The following ARL14EP variants were observed in gnomAD, a reference collection of about 807,000 sequenced individuals.
ARL14EP encodes the protein ARL14 effector protein.
A neutral mutation model predicts 23.1 loss-of-function variants in ARL14EP; 12 were observed. The ratio of observed to expected loss-of-function variants is 0.52; its 90% CI spans 0.33 to 0.84. The LOEUF (loss-of-function observed/expected upper bound fraction) is 0.84. Ranked by LOEUF, ARL14EP falls within the 40% of genes least tolerant of loss-of-function variation. The probability of loss-of-function intolerance (pLI) is 0.02; values close to 1 mark genes in which losing one functional copy is unlikely to be tolerated. For missense variants in ARL14EP, 253 were observed against 307.3 expected, an observed-to-expected ratio of 0.82 and a Z score of 1.32; for synonymous variants, 97 against 102.0, an observed-to-expected ratio of 0.95 and a Z score of 0.29.
At chr11:30,335,383 T>A (rs1295230634) in intron 3 of ARL14EP, among the ~76,000 whole-genome samples, 1 of 152,190 alleles carries the variant, frequency 6.6e-6, no homozygotes. Flanking sequence ...AGAGGCAGAA[T>A]TTGAGAGGAT....
intron 3 of ARL14EP, among the ~76,000 whole-genome samples, chr11:30,334,962 G>C (rs1240125822): frequency 6.6e-6 from 1 of 152,192 alleles, no homozygotes; most frequent in Non-Finnish European, 1.5e-5. Context: ...TGACTTTCAA[G>C]TCTGTTATTT....
rs141777054 is a variant in ARL14EP at position 30,336,697 on chromosome 11, A to C, written c.685A>C (p.Thr229Pro). 6.2e-7 allele frequency: 1 copy of C among 1,614,024 alleles called. No homozygotes were observed. Residue 229 changes from threonine to proline, a missense_variant, in exon 4 of 4, where the codon ACC becomes CCC. Physicochemically the swap from Thr to Pro is conservative, Grantham distance 38. Coordinates refer to ENST00000282032, the MANE Select transcript of ARL14EP (RefSeq NM_152316.3). ...CFYACPACGS[T>P]KCGAECRCDR... is the part of the protein sequence containing the mutation. ...CTATGCTTGTCCTGCCTGTGGTTCT[A>C]CCAAGTGTGGAGCTGAATGCCGCTG...
At chr11:30,326,415 G>C (rs1318354377) in intron 1 of ARL14EP, among the ~76,000 whole-genome samples, 2 of 152,180 alleles carry the variant, frequency 1.3e-5, no homozygotes, top group African/African-American at 4.8e-5. Flanking sequence ...CATCGTTATG[G>C]AAGAACATAG....
intron 1 of ARL14EP, among the ~76,000 whole-genome samples, chr11:30,325,404 T>C (rs571241493): frequency 6.6e-6 from 1 of 152,184 alleles, no homozygotes; most frequent in Non-Finnish European, 1.5e-5. Context: ...GGGGGATCCT[T>C]GAGTCTTACC....
In ARL14EP at chr11:30,331,003, A is replaced by G. The variant is rs1348760918; in HGVS notation, c.55A>G (p.Lys19Glu). 1 of 1,613,944 alleles carries G rather than the reference A, an allele frequency of 6.2e-7. No individual in the cohort carries two copies. Among genetic ancestry groups the G allele is most frequent in the Non-Finnish European group, 8.5e-7 (1 of 1,179,836 alleles). ...GCTTCGTACTACAAATGAGTGCCAT[A>G]AAACCTACTATACTCGTCACACAGG... ...VQLRTTNECH[K>E]TYYTRHTGFK... Residue 19 changes from lysine to glutamate, a missense_variant, in exon 2 of 4, where the codon AAA (lysine) becomes GAA (glutamate). Transcript: ENST00000282032.
chr11:30,331,502 A>G, intron 2 of ARL14EP, 128 bp downstream of exon 2: 1 of 1,509,980 alleles, frequency 6.6e-7, no homozygotes, highest in South Asian at 1.3e-5. Flanking sequence ...AGGAGGGGTG[A>G]AAGTGGATGA....
intron 1 of ARL14EP, among the ~76,000 whole-genome samples, chr11:30,324,788 C>G (rs995952479): frequency 1.1e-4 from 16 of 152,170 alleles, no homozygotes; most frequent in African/African-American, 3.6e-4. Flanking sequence ...GGAGCAAATA[C>G]TTTTGTTTAC....
chr11:30,332,487 A>G (rs1209426833), intron 2 of ARL14EP, among the ~76,000 whole-genome samples: 1 of 152,148 alleles, frequency 6.6e-6, no homozygotes, highest in Admixed American at 6.5e-5. Context: ...TTAAAAATAT[A>G]TAAAATACAA....
At chr11:30,335,774 ATATG>A (rs776014357) in intron 3 of ARL14EP, among the ~76,000 whole-genome samples, 86 of 125,954 alleles carry the variant, frequency 6.8e-4, no homozygotes, top group African/African-American at 1.5e-3. Context: ...ATATATATAT[ATATG>A]TGTGTGTGTG....
intron 2 of ARL14EP, among the ~76,000 whole-genome samples, chr11:30,331,968 A>G (rs1426731787): frequency 6.6e-6 from 1 of 152,106 alleles, no homozygotes. Flanking sequence ...AAAAAATAAT[A>G]CATTTTTACA....
chr11:30,326,540 G>T (rs1040585978), intron 1 of ARL14EP, among the ~76,000 whole-genome samples: 1 of 152,214 alleles, frequency 6.6e-6, no homozygotes, highest in East Asian at 1.9e-4. Context: ...AGCAAAAACA[G>T]TTGCTAGGAA....
intron 2 of ARL14EP, chr11:30,331,786 A>G: frequency 2.0e-6 from 2 of 1,012,150 alleles, no homozygotes; most frequent in Non-Finnish European, 2.4e-6. Flanking sequence ...CTGCTTTAAA[A>G]GGAACATTAG....
intron 3 of ARL14EP, among the ~76,000 whole-genome samples, chr11:30,334,287 C>G (rs1363140918): frequency 6.9e-6 from 1 of 144,622 alleles, no homozygotes; most frequent in African/African-American, 2.6e-5. Context: ...GCAAACTCAG[C>G]TCACTACACC....
intron 3 of ARL14EP, among the ~76,000 whole-genome samples, chr11:30,333,202 A>G (rs1171894061): frequency 6.6e-6 from 1 of 152,246 alleles, no homozygotes; most frequent in East Asian, 1.9e-4. Context: ...AGAAGGTAGC[A>G]GTGAACTGAA....
intron 2 of ARL14EP, among the ~76,000 whole-genome samples, chr11:30,332,077 T>C (rs1020278343): frequency 6.6e-6 from 1 of 152,128 alleles, no homozygotes; most frequent in African/African-American, 2.4e-5. Context: ...AGCTATCTTT[T>C]GTGTAGGACA....
chr11:30,335,602 A>AC (rs1413266697), intron 3 of ARL14EP, among the ~76,000 whole-genome samples: 1 of 152,172 alleles, frequency 6.6e-6, no homozygotes, highest in Non-Finnish European at 1.5e-5. Flanking sequence ...CAGCAAAAAA[A>AC]CTACAACTCA....
Position 30,333,843 on chromosome 11 carries a change from T to C in ARL14EP, c.554+850T>C, listed in dbSNP as rs1443131988. 2.0e-5 allele frequency among the ~76,000 whole-genome samples: 3 copies of C among 152,128 alleles called. No homozygotes were observed. In the East Asian group the frequency reaches 5.8e-4, roughly 29 times the overall value. ...TTGTGCTAAACAGCCAAGTTGTGAA[T>C]GCAAAGAAAAAGTTCAGGAAGGACA... On this transcript the variant is annotated intron_variant, in intron 3 of 3. Coordinates refer to ENST00000282032, the MANE Select transcript of ARL14EP (RefSeq NM_152316.3).
chr11:30,323,852 G>A (rs1210130039), intron 1 of ARL14EP, among the ~76,000 whole-genome samples: 3 of 152,148 alleles, frequency 2.0e-5, no homozygotes, highest in Non-Finnish European at 4.4e-5. Context: ...CTTTCCTCAG[G>A]GTGGCTATGA....
chr11:30,337,634 T>TG lies in ARL14EP; in HGVS notation c.*839_*840insG, dbSNP rs1554954941. The TG allele has an allele frequency of 6.8e-6, 1 of 147,252 alleles. No homozygotes were observed. The highest frequency in any genetic ancestry group is 2.5e-5 in the African/African-American group (1 of 40,302). The allele number at this position is 147,252 out of a possible 1,614,324, so 9.1% of individuals were successfully genotyped here. A position where few individuals can be genotyped will look rare whatever the true frequency, so the allele number is the denominator to read the frequency against. ...GATACGTCCCAGAGGAAGTGATGGT[T>TG]AAAAAAAAAAAACTTTACATTAAAA... On this transcript the variant is annotated 3_prime_UTR_variant, in exon 4 of 4. Coordinates refer to ENST00000282032, the MANE Select transcript of ARL14EP (RefSeq NM_152316.3).
Sources: gnomAD v4.1 joint callset for allele counts (sites outside exome capture counted in the v4.1 genomes callset) on GRCh38, gnomAD v4.1.1 for gene constraint, MANE v1.5 for transcripts, NCBI Gene and HGNC (gene_info 2026-07-23, HGNC 2026-07-21) for gene names.